Variants in STK32B observed in about 807,000 individuals in gnomAD.
STK32B encodes serine/threonine-protein kinase 32B.
In STK32B, 43 loss-of-function variants were observed where a neutral mutation model predicts 52.6. The ratio of observed to expected loss-of-function variants is 0.82; its 90% CI spans 0.64 to 1.05. STK32B has a LOEUF of 1.05. STK32B is among the 50% of genes least tolerant of loss of function. The pLI, the probability that STK32B is intolerant of heterozygous loss-of-function variation, is 0.00. For synonymous variants in STK32B, 238 were observed against 204.3 expected (o/e 1.17, Z -1.41); for missense variants, 621 against 534.6 (o/e 1.16, Z -1.59).
At chr4:5,194,397 T>C (rs1721479516) in intron 3 of STK32B, among the ~76,000 whole-genome samples, 1 of 152,246 alleles carries the variant, frequency 6.6e-6, no homozygotes, top group African/African-American at 2.4e-5. Context: ...ATCTGTCCTC[T>C]CATTGGGCGG....
At chr4:5,298,090 T>C (rs1467670702) in intron 3 of STK32B, among the ~76,000 whole-genome samples, 1 of 152,114 alleles carries the variant, frequency 6.6e-6, no homozygotes, top group Admixed American at 6.6e-5. Context: ...CCAGACCCCA[T>C]TTGCCTGGGT....
chr4:5,196,388 G>A (rs138981936), intron 3 of STK32B, among the ~76,000 whole-genome samples: 1,297 of 62,518 alleles, frequency 0.021, 12 homozygotes, highest in Middle Eastern at 0.062. Context: ...TCATAGTTTT[G>A]TTCTGAACGT....
At chr4:5,490,497 G>A (rs1378014255) in intron 11 of STK32B, among the ~76,000 whole-genome samples, 4 of 152,104 alleles carry the variant, frequency 2.6e-5, no homozygotes, top group Non-Finnish European at 5.9e-5. Flanking sequence ...AAAGAATAAT[G>A]TGACTAAATT....
chr4:5,163,727 C>T lies in STK32B; in HGVS notation c.109-4572C>T, dbSNP rs975908383. Reference sequence around the variant, plus strand: ...TTCTCACCAGGCAAAAGGATATCTGCAGAGACCAGAGCAGAGGTGGGGTAG... The same window carrying T: ...TTCTCACCAGGCAAAAGGATATCTGTAGAGACCAGAGCAGAGGTGGGGTAG... On this transcript the variant is annotated intron_variant, in intron 2 of 11. Coordinates refer to ENST00000282908, the MANE Select transcript of STK32B (RefSeq NM_018401.3). Among the ~76,000 whole-genome samples the T allele has an allele frequency of 4.6e-5, 7 of 152,302 alleles. No homozygotes were observed. The East Asian group carries it at 1.3e-3, about 29-fold the overall frequency.
intron 3 of STK32B, among the ~76,000 whole-genome samples, chr4:5,277,963 GT>G (rs1383306773): frequency 2.6e-5 from 4 of 152,204 alleles, no homozygotes; most frequent in Admixed American, 2.0e-4. Flanking sequence ...AAACGAAACT[GT>G]TTTTAATGCT....
intron 4 of STK32B, among the ~76,000 whole-genome samples, chr4:5,342,059 A>G (rs562641314): frequency 6.6e-6 from 1 of 151,858 alleles, no homozygotes; most frequent in Non-Finnish European, 1.5e-5. Flanking sequence ...CAGGTGCTGG[A>G]GAGGATGTGG....
intron 3 of STK32B, among the ~76,000 whole-genome samples, chr4:5,185,274 C>A (rs6844875): frequency 2.0e-5 from 3 of 152,050 alleles, no homozygotes; most frequent in Non-Finnish European, 4.4e-5. Context: ...CCTAAACAAC[C>A]GAGAGAATGA....
intron 2 of STK32B, among the ~76,000 whole-genome samples, chr4:5,157,495 C>T (rs1196213308): frequency 1.3e-5 from 2 of 152,080 alleles, no homozygotes; most frequent in Non-Finnish European, 2.9e-5. Context: ...ACAGAGACAG[C>T]CTCTCCGAGA....
At chr4:5,055,482 T>A (rs6829232) in intron 1 of STK32B, among the ~76,000 whole-genome samples, 1 of 151,846 alleles carries the variant, frequency 6.6e-6, no homozygotes, top group Admixed American at 6.6e-5. Context: ...CAATGCAGCA[T>A]CCAGAGTGAT....
chr4:5,193,036 C>T (rs1373111898), intron 3 of STK32B, among the ~76,000 whole-genome samples: 1 of 152,154 alleles, frequency 6.6e-6, no homozygotes, highest in East Asian at 1.9e-4. Context: ...CAGTGCCTTC[C>T]CTCCCTGTGG....
intron 3 of STK32B, among the ~76,000 whole-genome samples, chr4:5,273,982 A>C (rs1727623625): frequency 6.6e-6 from 1 of 151,206 alleles, no homozygotes; most frequent in Admixed American, 6.6e-5. Context: ...CCTAAAACTT[A>C]AAGTATAATA....
intron 6 of STK32B, among the ~76,000 whole-genome samples, chr4:5,438,605 T>A (rs575023272): frequency 2.6e-4 from 39 of 152,312 alleles, no homozygotes; most frequent in Non-Finnish European, 4.4e-4. Flanking sequence ...TTTTTGTTTT[T>A]GTTTTTGTTT....
At chr4:5,282,813 A>G (rs998625081) in intron 3 of STK32B, among the ~76,000 whole-genome samples, 7 of 152,158 alleles carry the variant, frequency 4.6e-5, no homozygotes, top group African/African-American at 1.4e-4. Flanking sequence ...GGATAGTATG[A>G]GATTTCATCA....
intron 11 of STK32B, among the ~76,000 whole-genome samples, chr4:5,482,175 C>G (rs1718772109): frequency 6.6e-6 from 1 of 152,148 alleles, no homozygotes; most frequent in Non-Finnish European, 1.5e-5. Flanking sequence ...TTACCTTGGG[C>G]AGTATGGCCA....
intron 6 of STK32B, among the ~76,000 whole-genome samples, chr4:5,419,755 G>A (rs1480008654): frequency 6.6e-6 from 1 of 152,184 alleles, no homozygotes; most frequent in Non-Finnish European, 1.5e-5. Context: ...GCATCCATGA[G>A]TTTTTGGTTT....
intron 3 of STK32B, among the ~76,000 whole-genome samples, chr4:5,224,912 A>G (rs532981284): frequency 4.4e-4 from 67 of 152,148 alleles, no homozygotes; most frequent in Non-Finnish European, 7.9e-4. Flanking sequence ...AATAGTAAAA[A>G]TTCAGGAATT....
At chr4:5,389,070 G>A (rs1736432239) in intron 4 of STK32B, among the ~76,000 whole-genome samples, 1 of 152,188 alleles carries the variant, frequency 6.6e-6, no homozygotes, top group Non-Finnish European at 1.5e-5. Context: ...AAAGCAAGAA[G>A]GAAATGATTT....
chr4:5,061,403 C>A (rs995196516), intron 1 of STK32B, among the ~76,000 whole-genome samples: 3 of 152,076 alleles, frequency 2.0e-5, no homozygotes, highest in African/African-American at 7.2e-5. Flanking sequence ...ACATATTAAC[C>A]AAGTTCATTT....
chr4:5,473,266 A>G (rs867945027), intron 11 of STK32B, among the ~76,000 whole-genome samples: 2 of 152,270 alleles, frequency 1.3e-5, no homozygotes, highest in Admixed American at 6.5e-5. Flanking sequence ...CCTGCTCTCA[A>G]TGGAGCTCAC....
Sources: allele counts gnomAD v4.1 joint callset (sites outside exome capture counted in the v4.1 genomes callset), GRCh38; gene constraint gnomAD v4.1.1; transcripts MANE v1.5; gene names NCBI Gene and HGNC (gene_info 2026-07-23, HGNC 2026-07-21).